CRYZ: variants seen among roughly 807,000 people sequenced by gnomAD.
CRYZ encodes crystallin zeta.
Under a neutral mutation model 34.1 loss-of-function variants are expected in CRYZ, and 35 were observed. The observed-to-expected ratio is 1.03, with a 90% CI of 0.78 to 1.36. CRYZ has a LOEUF of 1.36. CRYZ is among the 40% of genes most tolerant of loss of function. The pLI is 0.00. For missense variants in CRYZ, 403 were observed against 391.8 expected (o/e 1.03, Z -0.24); for synonymous variants, 137 against 136.5 (o/e 1.00, Z -0.03).
chr1:74,708,780 A>G (rs1037668203), intron 6 of CRYZ: 19 of 152,162 alleles, frequency 1.2e-4, no homozygotes, highest in Admixed American at 1.1e-3. Flanking sequence ...GGGAGCCACA[A>G]GAGTATATGA....
At chr1:74,711,740 A>C in intron 5 of CRYZ, among the ~76,000 whole-genome samples, 1 of 152,182 alleles carries the variant, frequency 6.6e-6, no homozygotes, top group Non-Finnish European at 1.5e-5. Context: ...GCAACGGAGC[A>C]AGACCCTGTC....
chr1:74,713,187 A>G (rs1207579833), intron 5 of CRYZ, among the ~76,000 whole-genome samples: 2 of 152,070 alleles, frequency 1.3e-5, no homozygotes, highest in Non-Finnish European at 2.9e-5. Flanking sequence ...CTCAGAGAAC[A>G]GTGTGGATTT....
chr1:74,730,092 A>C (rs140921880), intron 1 of CRYZ, among the ~76,000 whole-genome samples: 1 of 152,298 alleles, frequency 6.6e-6, no homozygotes, highest in African/African-American at 2.4e-5. Flanking sequence ...TTGTAATAAT[A>C]AAAGTAAAAT....
chr1:74,713,424 C>G (rs1371911375), intron 5 of CRYZ, among the ~76,000 whole-genome samples: 1 of 152,144 alleles, frequency 6.6e-6, no homozygotes, highest in Non-Finnish European at 1.5e-5. Flanking sequence ...CCAAAAATAG[C>G]CTCTTCAGTG....
rs1302567070 is a variant in CRYZ, at chr1:74,705,509, T to C, written c.*787A>G. ...GGTTTTAATTTTCTATAGACTTTATTACACATTATTATGTTACGAGACAAA... is the reference window on the plus strand; with the variant it reads ...GGTTTTAATTTTCTATAGACTTTATCACACATTATTATGTTACGAGACAAA... On this transcript the variant is annotated 3_prime_UTR_variant, in exon 9 of 9. Transcript: ENST00000340866. 1.3e-5 allele frequency: 2 copies of C among 152,136 alleles called. No homozygotes were observed. The highest frequency in any genetic ancestry group is 2.9e-5 in the Non-Finnish European group (2 of 68,000). The allele number at this position is 152,136 out of a possible 1,614,324, so 9.4% of individuals were successfully genotyped here.
chr1:74,714,544 A>T, intron 5 of CRYZ, 35 bp downstream of exon 5: 1 of 1,598,178 alleles, frequency 6.3e-7, no homozygotes, highest in Non-Finnish European at 8.6e-7. Context: ...CATAAACCCA[A>T]GCTTGTTTCA....
In CRYZ at chr1:74,715,758, C is replaced by G. The variant is rs1302838109; in HGVS notation, c.429-1128G>C. Among the ~76,000 whole-genome samples the G allele has an allele frequency of 1.1e-4, 17 of 152,072 alleles. No individual in the cohort carries two copies. In the East Asian group the frequency reaches 3.3e-3, roughly 29 times the overall value. Reference sequence around the variant, plus strand: ...ACACTAAAGACACATTCTCATAAATCCCTGGGGCCTGGGGTGAGGGGAGAA... The same window carrying G: ...ACACTAAAGACACATTCTCATAAATGCCTGGGGCCTGGGGTGAGGGGAGAA... On this transcript the variant is annotated intron_variant, in intron 4 of 8. Coordinates refer to ENST00000340866, the MANE Select transcript of CRYZ (RefSeq NM_001889.4).
intron 4 of CRYZ, among the ~76,000 whole-genome samples, chr1:74,716,385 G>A (rs1176459116): frequency 2.6e-5 from 4 of 151,958 alleles, no homozygotes; most frequent in Non-Finnish European, 4.4e-5. Flanking sequence ...CATCTTCCCT[G>A]GTGCTCATAA....
At chr1:74,709,326 A>G (rs141221448) in intron 6 of CRYZ, among the ~76,000 whole-genome samples, 20 of 152,272 alleles carry the variant, frequency 1.3e-4, no homozygotes, top group Non-Finnish European at 2.1e-4. Flanking sequence ...ATTCTTGGAT[A>G]ATGGTATCAG....
intron 5 of CRYZ, 67 bp from the exon 6 acceptor site, chr1:74,710,314 A>G (rs1646985256): frequency 6.9e-7 from 1 of 1,454,650 alleles, no homozygotes; most frequent in African/African-American, 1.4e-5. Flanking sequence ...AAATACATAC[A>G]ATGAACTTAA....
chr1:74,720,060 C>T (rs1441696728), intron 3 of CRYZ, among the ~76,000 whole-genome samples: 1 of 152,022 alleles, frequency 6.6e-6, no homozygotes, highest in Admixed American at 6.6e-5. Context: ...ATCCCCACTA[C>T]ACAGATGAGT....
At chr1:74,706,514 G>A (rs1355613511) in intron 8 of CRYZ, 57 bp from the exon 9 acceptor site, 1 of 1,493,968 alleles carries the variant, frequency 6.7e-7, no homozygotes, top group Non-Finnish European at 9.0e-7. Flanking sequence ...TTAATTTTCA[G>A]AAGCATTAAA....
intron 6 of CRYZ, chr1:74,708,783 G>A (rs1293688303): frequency 6.6e-6 from 1 of 152,142 alleles, no homozygotes; most frequent in Non-Finnish European, 1.5e-5. Context: ...AGCCACAAGA[G>A]TATATGAGAC....
chr1:74,731,503 CAAG>C (rs1490038181), intron 1 of CRYZ, among the ~76,000 whole-genome samples: 2 of 152,112 alleles, frequency 1.3e-5, no homozygotes, highest in African/African-American at 4.8e-5. Flanking sequence ...GTAAAAAAGG[CAAG>C]AATTACAAGT....
chr1:74,724,872 A>T, intron 1 of CRYZ, 38 bp from the exon 2 acceptor site: 2 of 1,184,002 alleles, frequency 1.7e-6, no homozygotes, highest in Non-Finnish European at 2.5e-6. Flanking sequence ...GTCACATTGT[A>T]TCTAGGATAT....
intron 1 of CRYZ, among the ~76,000 whole-genome samples, chr1:74,727,404 A>G (rs1647407332): frequency 6.9e-6 from 1 of 145,612 alleles, no homozygotes; most frequent in Admixed American, 7.0e-5. Flanking sequence ...TAAAGCCATC[A>G]GATCTCCGAG....
At chr1:74,722,608 A>ATATG (rs1553172775) in intron 3 of CRYZ, among the ~76,000 whole-genome samples, 6,553 of 150,568 alleles carry the variant, frequency 0.044, 166 homozygotes, top group Non-Finnish European at 0.056. Flanking sequence ...ATATATATAT[A>ATATG]TGTGTGTGTG....
intron 4 of CRYZ, 34 bp downstream of exon 4, chr1:74,719,175 C>T (rs776044518): frequency 6.4e-5 from 102 of 1,603,336 alleles, no homozygotes; most frequent in Non-Finnish European, 8.3e-5. Flanking sequence ...CCTCTTTTGG[C>T]ATTGGCCATA....
chr1:74,722,194 A>C (rs1043254668), intron 3 of CRYZ, among the ~76,000 whole-genome samples: 3 of 152,182 alleles, frequency 2.0e-5, no homozygotes, highest in African/African-American at 7.2e-5. Flanking sequence ...GAGGCCTGAA[A>C]ACGGAGGCCC....
Sources: allele counts gnomAD v4.1 joint callset (sites outside exome capture counted in the v4.1 genomes callset), GRCh38; gene constraint gnomAD v4.1.1; transcripts MANE v1.5; gene names NCBI Gene and HGNC (gene_info 2026-07-23, HGNC 2026-07-21).